Variants in SPAG16 observed in about 807,000 individuals in gnomAD.
The protein encoded by SPAG16 is sperm associated antigen 16, also known as sperm-associated antigen 16 protein.
SPAG16 carries 86 observed loss-of-function variants against 80.4 expected under a neutral mutation model. The observed-to-expected ratio is 1.07, with a 90% confidence interval of 0.90 to 1.28. SPAG16 has a LOEUF of 1.28. Ranked by LOEUF, SPAG16 falls within the 50% of genes most tolerant of loss-of-function variation. The pLI is 0.00. For synonymous variants in SPAG16, 294 were observed against 265.9 expected, an observed-to-expected ratio of 1.11 and a Z score of -1.03; for missense variants, 870 against 765.3, an observed-to-expected ratio of 1.14 and a Z score of -1.61.
chr2:213,542,796 T>C (rs1379406570), intron 10 of SPAG16, among the ~76,000 whole-genome samples: 1 of 152,160 alleles, frequency 6.6e-6, no homozygotes, highest in Non-Finnish European at 1.5e-5. Flanking sequence ...CAATGCTATA[T>C]ATTTTCTTGT....
chr2:213,894,582 CT>C, intron 11 of SPAG16, among the ~76,000 whole-genome samples: 1 of 152,196 alleles, frequency 6.6e-6, no homozygotes, highest in Non-Finnish European at 1.5e-5. Context: ...CAAAACAGTA[CT>C]GGAAACCCTG....
intron 10 of SPAG16, among the ~76,000 whole-genome samples, chr2:213,645,744 G>A (rs1012363842): frequency 6.6e-6 from 1 of 152,084 alleles, no homozygotes; most frequent in African/African-American, 2.4e-5. Context: ...GCTCTCCCTT[G>A]GCTGTCCCAG....
At chr2:214,249,100 T>A (rs1488645718) in intron 15 of SPAG16, among the ~76,000 whole-genome samples, 1 of 152,072 alleles carries the variant, frequency 6.6e-6, no homozygotes, top group Non-Finnish European at 1.5e-5. Flanking sequence ...GGCAAAGAAA[T>A]ATAAATTTAT....
At chr2:213,663,551 A>G (rs150907358) in intron 10 of SPAG16, among the ~76,000 whole-genome samples, 2 of 152,202 alleles carry the variant, frequency 1.3e-5, no homozygotes, top group Non-Finnish European at 2.9e-5. Context: ...ATAATCACTA[A>G]AACTTTTATG....
chr2:214,096,119 G>A (rs1311966894), intron 13 of SPAG16, among the ~76,000 whole-genome samples: 1 of 151,686 alleles, frequency 6.6e-6, no homozygotes, highest in Non-Finnish European at 1.5e-5. Context: ...TATTCCCTTT[G>A]GCTTATCAGG....
chr2:213,350,149 C>G (rs2065246335), intron 6 of SPAG16, among the ~76,000 whole-genome samples: 1 of 152,152 alleles, frequency 6.6e-6, no homozygotes. Context: ...GAATGACACT[C>G]CATGTTTAAT....
intron 13 of SPAG16, among the ~76,000 whole-genome samples, chr2:214,054,941 T>C (rs2372221): frequency 0.45 from 67,712 of 151,964 alleles, 16,482 homozygotes; most frequent in South Asian, 0.67. Flanking sequence ...ATAATATGCA[T>C]ACACTAATTC....
At chr2:214,019,786 T>C (rs1472937571) in intron 13 of SPAG16, among the ~76,000 whole-genome samples, 1 of 152,120 alleles carries the variant, frequency 6.6e-6, no homozygotes, top group Non-Finnish European at 1.5e-5. Context: ...CCATATTTGA[T>C]TTAGTAATGT....
chr2:213,938,487 CTG>C (rs989717736), intron 12 of SPAG16, among the ~76,000 whole-genome samples: 5 of 151,880 alleles, frequency 3.3e-5, no homozygotes, highest in African/African-American at 4.8e-5. Context: ...GTGGCAAAAA[CTG>C]TAATTATTTG....
intron 10 of SPAG16, among the ~76,000 whole-genome samples, chr2:213,641,687 G>T (rs557089049): frequency 1.3e-5 from 2 of 152,144 alleles, no homozygotes; most frequent in East Asian, 3.8e-4. Context: ...TCAGCTCTTG[G>T]TAAGGGTAAA....
intron 15 of SPAG16, among the ~76,000 whole-genome samples, chr2:214,402,997 T>C (rs1701798217): frequency 6.7e-6 from 1 of 150,360 alleles, no homozygotes; most frequent in African/African-American, 2.4e-5. Context: ...TGTTGTGTTT[T>C]AGTAAGGGCA....
intron 10 of SPAG16, among the ~76,000 whole-genome samples, chr2:213,642,569 G>C (rs150289305): frequency 0.025 from 3,748 of 151,276 alleles, 153 homozygotes; most frequent in African/African-American, 0.085. Flanking sequence ...CTAATCAGCT[G>C]CCAGCATGGC....
At chr2:213,382,736 A>G (rs1306813617) in intron 9 of SPAG16, among the ~76,000 whole-genome samples, 2 of 152,192 alleles carry the variant, frequency 1.3e-5, no homozygotes, top group South Asian at 2.1e-4. Context: ...GCACAAGCAT[A>G]TTGCTAAGAC....
intron 15 of SPAG16, among the ~76,000 whole-genome samples, chr2:214,168,662 G>A (rs772300467): frequency 3.5e-4 from 54 of 152,206 alleles, no homozygotes; most frequent in Non-Finnish European, 6.2e-4. Context: ...TCATGCACAG[G>A]TCTTGGCAAG....
intron 10 of SPAG16, among the ~76,000 whole-genome samples, chr2:213,625,156 G>A (rs971416416): frequency 3.3e-5 from 5 of 152,108 alleles, no homozygotes; most frequent in Non-Finnish European, 7.4e-5. Flanking sequence ...GTATTAGTCC[G>A]TTCTCACAAA....
At chr2:214,298,141 TAC>T (rs376991580) in intron 15 of SPAG16, among the ~76,000 whole-genome samples, 80,557 of 131,598 alleles carry the variant, frequency 0.61, 23,710 homozygotes, top group South Asian at 0.71. Flanking sequence ...CACATACACA[TAC>T]ACACACACAC....
chr2:214,375,346 A>G lies in SPAG16; in HGVS notation c.1721-34794A>G, dbSNP rs140326450. On this transcript the variant is annotated intron_variant, in intron 15 of 15. Transcript: ENST00000331683. The stretch of plus-strand genomic sequence containing the variant: ...TGGTAGTATTCTGGAAACTTATTAC[A>G]GTTGCCAATAACCAGTTTACGAAGT... 6.5e-4 allele frequency among the ~76,000 whole-genome samples: 99 copies of G among 152,326 alleles called. 1 individual carries two copies. In the East Asian group the frequency reaches 0.019, roughly 29 times the overall value.
At chr2:213,643,281 G>A (rs2062673333) in intron 10 of SPAG16, among the ~76,000 whole-genome samples, 1 of 140,526 alleles carries the variant, frequency 7.1e-6, no homozygotes, top group Non-Finnish European at 1.5e-5. Flanking sequence ...ATATGTCATG[G>A]CACTCCCTCC....
intron 13 of SPAG16, among the ~76,000 whole-genome samples, chr2:214,045,353 A>G (rs1353377701): frequency 1.3e-5 from 2 of 152,234 alleles, no homozygotes; most frequent in Non-Finnish European, 2.9e-5. Context: ...TCACCTGTTG[A>G]TTAAAAAGCT....
Sources: allele counts gnomAD v4.1 joint callset (sites outside exome capture counted in the v4.1 genomes callset), GRCh38; gene constraint gnomAD v4.1.1; transcripts MANE v1.5; gene names NCBI Gene and HGNC (gene_info 2026-07-23, HGNC 2026-07-21).